Variants in METTL4 observed in about 807,000 individuals in gnomAD.
METTL4 encodes the protein methyltransferase 4, N6-adenosine.
Under a neutral mutation model 54.0 loss-of-function variants are expected in METTL4, and 40 were observed. That is an observed-to-expected ratio of 0.74 (90% CI 0.58 to 0.96). The LOEUF is 0.96. METTL4 is among the 50% of genes least tolerant of loss of function. The pLI is 0.00. For synonymous variants in METTL4, 169 were observed against 183.8 expected (o/e 0.92, Z 0.65); for missense variants, 525 against 549.0 (o/e 0.96, Z 0.44).
At chr18:2,552,642 T>C in intron 5 of METTL4, 53 bp downstream of exon 5, 3 of 1,143,860 alleles carry the variant, frequency 2.6e-6, no homozygotes, top group Middle Eastern at 2.6e-4. Flanking sequence ...TAAACTATAA[T>C]GTACAAAGGA....
rs2071933639 is a variant in METTL4 at position 2,537,825 on chromosome 18, T to C, written c.*1175A>G. ...GAAGCCAGGCACAATAGATTACACA[T>C]TGCATGATTCCATTTATATGAAATT... On this transcript the variant is annotated 3_prime_UTR_variant, in exon 9 of 9. Coordinates refer to ENST00000574538, the MANE Select transcript of METTL4 (RefSeq NM_022840.5). The C allele has an allele frequency of 2.5e-6, 1 of 398,290 alleles. No homozygotes were observed. The highest frequency in any genetic ancestry group is 4.4e-6 in the Non-Finnish European group (1 of 225,970). The allele number at this position is 398,290 out of a possible 1,614,324, so 24.7% of individuals were successfully genotyped here.
At chr18:2,548,633 C>T (rs2072107702) in intron 5 of METTL4, among the ~76,000 whole-genome samples, 1 of 152,214 alleles carries the variant, frequency 6.6e-6, no homozygotes, top group South Asian at 2.1e-4. Flanking sequence ...AATGCCATAA[C>T]CTGGACCCTG....
At chr18:2,564,402 G>A (rs1187276004) in intron 2 of METTL4, among the ~76,000 whole-genome samples, 5 of 152,132 alleles carry the variant, frequency 3.3e-5, no homozygotes, top group Non-Finnish European at 7.4e-5. Context: ...TGAAATACAA[G>A]GAAACTATGA....
At chr18:2,550,752 C>T (rs977942937) in intron 5 of METTL4, among the ~76,000 whole-genome samples, 1 of 152,186 alleles carries the variant, frequency 6.6e-6, no homozygotes, top group African/African-American at 2.4e-5. Flanking sequence ...TCAAAAGATA[C>T]TGAAGAAGTA....
chr18:2,546,932 T>A (rs1264384689), intron 6 of METTL4, among the ~76,000 whole-genome samples: 1 of 152,152 alleles, frequency 6.6e-6, no homozygotes, highest in Admixed American at 6.5e-5. Context: ...TGCTATTCCT[T>A]GCCCTCATCC....
chr18:2,545,836 T>C (rs1004064117), intron 6 of METTL4, among the ~76,000 whole-genome samples: 5 of 152,100 alleles, frequency 3.3e-5, no homozygotes, highest in African/African-American at 1.2e-4. Context: ...ATATGTATAA[T>C]TGCCTAATAA....
intron 8 of METTL4, chr18:2,540,298 T>A: frequency 2.0e-6 from 2 of 984,522 alleles, no homozygotes; most frequent in Non-Finnish European, 2.4e-6. Flanking sequence ...GGTATAAAAT[T>A]CAGATAAGAA....
rs755843831 is a variant in METTL4, at chr18:2,539,144, C to T, written c.1275G>A (p.Glu425=). ...TLHSHKPPLA[E]VLKDYIKPDG... ...CTGGCTTGATGTAGTCTTTTAAAACCTCTGTTTAAAAAAGAGAAAAAACAC... is the reference window on the plus strand; with the variant it reads ...CTGGCTTGATGTAGTCTTTTAAAACTTCTGTTTAAAAAAGAGAAAAAACAC... Residue 425 remains glutamate, a splice_region_variant and synonymous_variant, in exon 9 of 9, where the codon GAG becomes GAA. Transcript: ENST00000574538. The T allele has an allele frequency of 2.5e-6, 4 of 1,610,596 alleles. No individual in the cohort carries two copies. The highest frequency in any genetic ancestry group is 3.4e-6 in the Non-Finnish European group (4 of 1,178,438).
intron 5 of METTL4, among the ~76,000 whole-genome samples, chr18:2,547,922 A>G (rs993829356): frequency 1.3e-5 from 2 of 152,142 alleles, no homozygotes; most frequent in African/African-American, 4.8e-5. Flanking sequence ...ACCTAAGTCA[A>G]ACCATACAAG....
chr18:2,565,265 C>A (rs1402390180), intron 2 of METTL4, among the ~76,000 whole-genome samples: 1 of 151,146 alleles, frequency 6.6e-6, no homozygotes, highest in Non-Finnish European at 1.5e-5. Flanking sequence ...GGAAACAGAG[C>A]AAGACTCCGT....
chr18:2,544,635 A>G lies in METTL4; in HGVS notation c.1181+18T>C. ...AAATTAATACATGTATACAATTTTG[A>G]AAAATCACCTTTCCTACCTCAATGG... On this transcript the variant is annotated intron_variant, in intron 7 of 8. Coordinates refer to ENST00000574538, the MANE Select transcript of METTL4 (RefSeq NM_022840.5). The G allele has an allele frequency of 2.0e-6, 3 of 1,504,566 alleles. No individual in the cohort carries two copies. The South Asian group carries it at 3.5e-5, about 18-fold the overall frequency. 93.2% of individuals were successfully genotyped at this position (1,504,566 alleles called of 1,614,324 possible).
rs72857010 is a variant in METTL4, at chr18:2,542,079, G to C, written c.1273+2116C>G. On this transcript the variant is annotated intron_variant, in intron 8 of 8. Transcript: ENST00000574538. The stretch of plus-strand genomic sequence containing the variant: ...TGGAGTTATTCAGATGTTTCCTCCA[G>C]AATCTAACTTTTGTCTTTAAATGTT... Among the ~76,000 whole-genome samples, 1,134 of 152,200 alleles carry C rather than the reference G, an allele frequency of 7.5e-3. 24 individuals are homozygous for C. Among genetic ancestry groups the C allele is most frequent in the East Asian group, 0.066 (344 of 5,182 alleles).
At chr18:2,540,152 G>C in intron 8 of METTL4, 2 of 985,164 alleles carry the variant, frequency 2.0e-6, no homozygotes, top group Non-Finnish European at 1.2e-6. Context: ...AAGAGCTGTT[G>C]TCTACACTAA....
intron 8 of METTL4, chr18:2,540,535 T>G: frequency 1.0e-6 from 1 of 985,364 alleles, no homozygotes; most frequent in African/African-American, 1.7e-5. Flanking sequence ...TTAGCAAAAA[T>G]CAAAGAAGAA....
At chr18:2,550,398 C>T (rs73376263) in intron 5 of METTL4, among the ~76,000 whole-genome samples, 11,543 of 152,156 alleles carry the variant, frequency 0.076, 801 homozygotes, top group African/African-American at 0.18. Flanking sequence ...CCCTCATTGC[C>T]AGTGGGAATA....
In METTL4 at chr18:2,538,721, G is replaced by T. The variant is rs1022500431; in HGVS notation, c.*279C>A. On this transcript the variant is annotated 3_prime_UTR_variant, in exon 9 of 9. Transcript: ENST00000574538. ...TTAAGACCTCTGGTCCACGGTGTAT[G>T]TTTTCTGAACTTTTTCAATAGCATG... The T allele has an allele frequency of 3.9e-5, 14 of 357,338 alleles. No homozygotes were observed. Among genetic ancestry groups the T allele is most frequent in the African/African-American group, 2.5e-4 (12 of 48,936 alleles). The allele number at this position is 357,338 out of a possible 1,614,324, so 22.1% of individuals were successfully genotyped here.
rs1271945137 is a variant in METTL4, at chr18:2,538,993, A to C, written c.*7T>G. Reference sequence around the variant, plus strand: ...TGAAGAAACCACTACTTTAATCAAGATCATAGTCAGCTTCCAGACTCCACA... The same window carrying C: ...TGAAGAAACCACTACTTTAATCAAGCTCATAGTCAGCTTCCAGACTCCACA... On this transcript the variant is annotated 3_prime_UTR_variant, in exon 9 of 9. Coordinates refer to ENST00000574538, the MANE Select transcript of METTL4 (RefSeq NM_022840.5). 1 of 1,613,202 alleles carries C rather than the reference A, an allele frequency of 6.2e-7. No homozygotes were observed. Among genetic ancestry groups the C allele is most frequent in the South Asian group, 1.1e-5 (1 of 90,944 alleles).
chr18:2,571,463 C>G lies in METTL4; in HGVS notation c.-753G>C, dbSNP rs2072508055. ...CAGTTCCTGGGGTGACGCAGCTGGG[C>G]GCGACCAGCACGCAGCCTTCCAGCG... On this transcript the variant is annotated 5_prime_UTR_variant, in exon 1 of 9. Coordinates refer to ENST00000574538, the MANE Select transcript of METTL4 (RefSeq NM_022840.5). The G allele has an allele frequency of 6.6e-6, 1 of 152,230 alleles. No homozygotes were observed. The highest frequency in any genetic ancestry group is 6.5e-5 in the Admixed American group (1 of 15,288). The allele number at this position is 152,230 out of a possible 1,614,324, so 9.4% of individuals were successfully genotyped here.
intron 5 of METTL4, among the ~76,000 whole-genome samples, chr18:2,548,791 T>C (rs774808336): frequency 4.6e-5 from 7 of 152,184 alleles, no homozygotes; most frequent in Non-Finnish European, 8.8e-5. Context: ...AATCGTTTCA[T>C]TGTCTTCTCA....
Sources: gnomAD v4.1 joint callset for allele counts (sites outside exome capture counted in the v4.1 genomes callset) on GRCh38, gnomAD v4.1.1 for gene constraint, MANE v1.5 for transcripts, NCBI Gene and HGNC (gene_info 2026-07-23, HGNC 2026-07-21) for gene names.